CPXM2: variants seen among roughly 807,000 people sequenced by gnomAD.
The protein encoded by CPXM2 is inactive carboxypeptidase-like protein X2.
A neutral mutation model predicts 86.1 loss-of-function variants in CPXM2; 66 were observed. The observed-to-expected ratio is 0.77, with a 90% CI of 0.63 to 0.94. The LOEUF (loss-of-function observed/expected upper bound fraction) is 0.94, where lower values mean the gene tolerates loss of function less well. CPXM2 is among the 40% of genes least tolerant of loss of function. The probability of loss-of-function intolerance (pLI) is 0.00; values close to 1 mark genes in which losing one functional copy is unlikely to be tolerated. For missense variants in CPXM2, 948 were observed against 1,026.3 expected (o/e 0.92, Z 1.04); for synonymous variants, 388 against 400.2 (o/e 0.97, Z 0.36).
chr10:123,772,433 A>G (rs984725015), intron 7 of CPXM2, among the ~76,000 whole-genome samples: 71 of 149,498 alleles, frequency 4.7e-4, no homozygotes, highest in African/African-American at 1.7e-3. Flanking sequence ...GGGTGTAGTT[A>G]TCACCTCCCT....
chr10:123,823,907 A>G (rs971687474), intron 4 of CPXM2, among the ~76,000 whole-genome samples: 1 of 152,206 alleles, frequency 6.6e-6, no homozygotes, highest in Non-Finnish European at 1.5e-5. Context: ...AGTATGAGAC[A>G]TGGGCCACCA....
In CPXM2 at chr10:123,938,917, G is replaced by A. The variant is rs1945747943; in HGVS notation, n.174+560C>T. Among the ~76,000 whole-genome samples, 4 of 152,238 alleles carry A rather than the reference G, an allele frequency of 2.6e-5. No individual in the cohort carries two copies. The South Asian group carries it at 8.3e-4, about 32-fold the overall frequency. On this transcript the variant is annotated intron_variant and non_coding_transcript_variant, in intron 2 of 19. Coordinates refer to the CPXM2 transcript ENST00000368854. The stretch of plus-strand genomic sequence containing the variant: ...GACCCAGGGACACAGGTGGATCACA[G>A]CCCAGGTACTTCCATAGCCCACCCA...
chr10:123,878,506 C>CGTGTGTGTGTGTGTGTGTGT (rs200009107), intron 2 of CPXM2, among the ~76,000 whole-genome samples: 1 of 134,800 alleles, frequency 7.4e-6, no homozygotes, highest in Non-Finnish European at 1.6e-5. Flanking sequence ...CAAATTCAGA[C>CGTGTGTGTGTGTGTGTGTGT]GTGTGTGTGT....
intron 3 of CPXM2, among the ~76,000 whole-genome samples, chr10:123,849,075 T>C (rs757386117): frequency 5.4e-4 from 83 of 152,352 alleles, no homozygotes; most frequent in Non-Finnish European, 9.7e-4. Flanking sequence ...TTAGGTCCAT[T>C]TAGCCCATTG....
Position 123,839,427 on chromosome 10 carries a change from A to T in CPXM2, c.653+2922T>A, listed in dbSNP as rs1324294362. 3.9e-5 allele frequency among the ~76,000 whole-genome samples: 6 copies of T among 152,214 alleles called. No homozygotes were observed. In the East Asian group the frequency reaches 1.2e-3, roughly 29 times the overall value. ...CATTCCATGTGAATGAGTCTTTGTC[A>T]ACTCTTTACTTCATATTGATACCCG... is the stretch of plus-strand genomic sequence containing the variant. On this transcript the variant is annotated intron_variant, in intron 4 of 13. Transcript: ENST00000241305.
intron 4 of CPXM2, among the ~76,000 whole-genome samples, chr10:123,803,287 G>GT (rs1365843548): frequency 6.6e-6 from 1 of 151,516 alleles, no homozygotes; most frequent in African/African-American, 2.4e-5. Flanking sequence ...TTGTTTGTTT[G>GT]TTTTTGTAGA....
chr10:123,894,606 A>G (rs1039373473), upstream of CPXM2, among the ~76,000 whole-genome samples: 3 of 151,960 alleles, frequency 2.0e-5, no homozygotes. Flanking sequence ...GGCAAAGCTG[A>G]CCTCATTCTC....
intron 2 of CPXM2, among the ~76,000 whole-genome samples, chr10:123,877,497 G>A (rs1052647788): frequency 1.3e-5 from 2 of 152,172 alleles, no homozygotes; most frequent in African/African-American, 4.8e-5. Flanking sequence ...CAGCCTCCTA[G>A]GACCAGTGGT....
intron 2 of CPXM2, among the ~76,000 whole-genome samples, chr10:123,924,550 G>C (rs1402095756): frequency 6.6e-6 from 1 of 152,188 alleles, no homozygotes; most frequent in Non-Finnish European, 1.5e-5. Context: ...CTGTTCTCAC[G>C]GAGGTGGGGT....
intron 9 of CPXM2, among the ~76,000 whole-genome samples, chr10:123,768,240 T>A (rs12768875): frequency 1.3e-5 from 2 of 151,744 alleles, no homozygotes; most frequent in African/African-American, 4.8e-5. Context: ...TAGCTGGGCA[T>A]GGTGGCTGGC....
rs368768589 is a variant in CPXM2, at chr10:123,799,940, T to A, written c.654-741A>T. ...CCTCAGTTTTTTATAATATTAGTTG[T>A]TGAACAATATAGGAAAGTCTTCCTG... On this transcript the variant is annotated intron_variant, in intron 4 of 13. Transcript: ENST00000241305. Among the ~76,000 whole-genome samples the A allele has an allele frequency of 2.0e-5, 3 of 152,138 alleles. No homozygotes were observed. The East Asian group carries it at 5.8e-4, about 29-fold the overall frequency.
intron 11 of CPXM2, among the ~76,000 whole-genome samples, chr10:123,759,175 G>C (rs1485933647): frequency 6.6e-6 from 1 of 152,160 alleles, no homozygotes; most frequent in Non-Finnish European, 1.5e-5. Flanking sequence ...CTCATTGAAG[G>C]AGATTGGTCA....
At position 123,803,065 on chromosome 10, in the gene CPXM2, T is replaced by C. The variant is rs545816086; in HGVS notation, c.654-3866A>G. The stretch of plus-strand genomic sequence containing the variant: ...TAGATATGAGTTGAATATATATATA[T>C]ATTGCAAACATCTCCTCCAATTTGT... On this transcript the variant is annotated intron_variant, in intron 4 of 13. Transcript: ENST00000241305. Among the ~76,000 whole-genome samples, 34 of 149,398 alleles carry C rather than the reference T, an allele frequency of 2.3e-4. 1 individual carries two copies. Among genetic ancestry groups the C allele is most frequent in the African/African-American group, 7.8e-4 (32 of 41,070 alleles).
At chr10:123,784,381 G>T (rs1187328228) in intron 6 of CPXM2, among the ~76,000 whole-genome samples, 5 of 152,098 alleles carry the variant, frequency 3.3e-5, no homozygotes, top group Admixed American at 6.5e-5. Flanking sequence ...GGCAGGATAA[G>T]TTACTCTAAG....
intron 4 of CPXM2, among the ~76,000 whole-genome samples, chr10:123,830,439 C>T (rs1254369384): frequency 1.3e-5 from 2 of 152,222 alleles, no homozygotes; most frequent in Non-Finnish European, 2.9e-5. Context: ...TGGGCAGAGT[C>T]AGTCACATAA....
chr10:123,761,912 C>T lies in CPXM2; in HGVS notation c.1737G>A (p.Glu579=). 1 of 1,613,852 alleles carries T rather than the reference C, an allele frequency of 6.2e-7. No homozygotes were observed. The highest frequency in any genetic ancestry group is 8.5e-7 in the Non-Finnish European group (1 of 1,179,890). The change falls in exon 11 of 14, where the codon GAG becomes GAA. Residue 579 remains glutamate (E), a synonymous_variant. Transcript: ENST00000241305. The part of the protein sequence containing the change: ...VCHTEDFQKE[E]GTVNGASWHT... Reference sequence around the variant, plus strand: ...GCCAGGAGGCCCCATTGACAGTGCCCTCCTCCTTCTGGAAGTCCTCCGTGT... The same window carrying T: ...GCCAGGAGGCCCCATTGACAGTGCCTTCCTCCTTCTGGAAGTCCTCCGTGT...
upstream of CPXM2, among the ~76,000 whole-genome samples, chr10:123,943,827 G>A (rs900408599): frequency 2.0e-5 from 3 of 152,176 alleles, no homozygotes; most frequent in African/African-American, 7.2e-5. Flanking sequence ...CCACTGTCCT[G>A]GTCCTCTTCC....
In CPXM2 at chr10:123,842,348, C is replaced by G; in HGVS notation, c.653+1G>C. On this transcript the variant is annotated splice_donor_variant, in intron 4 of 13. Transcript: ENST00000241305. LOFTEE classifies it high-confidence loss of function. ...GAAAGCATATGTCCAGGTACACTCA[C>G]AGCCAGAGGGAGTTCCTCCCTTGAG... The G allele has an allele frequency of 6.2e-7, 1 of 1,614,248 alleles. No homozygotes were observed.
At chr10:123,849,800 T>C (rs1031545901) in intron 3 of CPXM2, among the ~76,000 whole-genome samples, 2 of 152,202 alleles carry the variant, frequency 1.3e-5, no homozygotes, top group African/African-American at 4.8e-5. Flanking sequence ...AATTTTATAA[T>C]AGATACAGAA....
Sources: gnomAD v4.1 joint callset for allele counts (sites outside exome capture counted in the v4.1 genomes callset) on GRCh38, gnomAD v4.1.1 for gene constraint, MANE v1.5 for transcripts, NCBI Gene and HGNC (gene_info 2026-07-23, HGNC 2026-07-21) for gene names.